ATP13A1: variants seen among roughly 807,000 people sequenced by gnomAD.
ATP13A1 encodes the protein ATPase 13A1.
In ATP13A1, 55 loss-of-function variants were observed where a neutral mutation model predicts 134.8. That is an observed-to-expected ratio of 0.41 (90% CI 0.33 to 0.51). The LOEUF (loss-of-function observed/expected upper bound fraction) is 0.51, where lower values mean the gene tolerates loss of function less well. Ranked by LOEUF, ATP13A1 falls within the 20% of genes least tolerant of loss-of-function variation. The pLI is 0.29. For synonymous variants in ATP13A1, 775 were observed against 725.1 expected (o/e 1.07, Z -1.10); for missense variants, 1,389 against 1,652.8 (o/e 0.84, Z 2.77).
chr19:19,663,051 A>G (rs1174059598), intron 1 of ATP13A1: 4 of 739,358 alleles, frequency 5.4e-6, no homozygotes, highest in Admixed American at 2.0e-5. Flanking sequence ...CATAACAGGG[A>G]GGACTTCAGA....
rs1268531000 is a variant in ATP13A1, at chr19:19,651,733, A to G, written c.2291T>C (p.Ile764Thr). The G allele has an allele frequency of 3.1e-6, 5 of 1,613,102 alleles. No homozygotes were observed. The highest frequency in any genetic ancestry group is 1.3e-5 in the African/African-American group (1 of 74,812). ...CAGGATCAGCGTGTGGGCCTTTTCA[A>G]TGAAGTGCAGCTCCTGGGCCACGTG... is the stretch of plus-strand genomic sequence containing the variant. ...ACHVAQELHFIEKAHTLILQP... is the reference protein window; with the variant it reads ...ACHVAQELHFTEKAHTLILQP... The change falls in exon 17 of 26, where the codon ATT (isoleucine) becomes ACT (threonine). Residue 764 changes from isoleucine (I) to threonine (T), a missense_variant. Coordinates refer to ENST00000357324, the MANE Select transcript of ATP13A1 (RefSeq NM_020410.3).
chr19:19,654,231 C>T (rs1442977589), intron 13 of ATP13A1, 87 bp from the exon 14 acceptor site: 1 of 1,343,748 alleles, frequency 7.4e-7, no homozygotes, highest in African/African-American at 1.5e-5. Flanking sequence ...TCCCCCACCT[C>T]CCTCCTGCCT....
Position 19,647,696 on chromosome 19 carries a change from C to T in ATP13A1, c.2696G>A (p.Ser899Asn). Residue 899 changes from serine (S) to asparagine (N), a missense_variant, in exon 20 of 26, where the codon AGC (serine) becomes AAC (asparagine). By Grantham distance (46) the Ser-to-Asn change is conservative. Around this residue, in one of 4 missense-constraint regions of ATP13A1, gnomAD observed 121 missense variants for 104.9 expected, o/e 1.15. Transcript: ENST00000357324. This position sits in a 1 kb window ranked among gnomAD's most constrained non-coding sequence, Gnocchi z 4.8. ...GATGCCACTGTTGCTCAGGGTTGGG[C>T]TGTCCCGGGGCCGCCGTCGCCGCTC... The part of the protein sequence containing the change: ...VVERRRRPRD[S>N]PTLSNSGIRA... 2 of 1,611,580 alleles carry T rather than the reference C, an allele frequency of 1.2e-6. No individual in the cohort carries two copies. Among genetic ancestry groups the T allele is most frequent in the South Asian group, 1.1e-5 (1 of 90,986 alleles).
At position 19,656,874 on chromosome 19, in the gene ATP13A1, T is replaced by C. The variant is rs1359393210; in HGVS notation, c.949A>G (p.Ile317Val). The C allele has an allele frequency of 6.2e-7, 1 of 1,612,664 alleles. No individual in the cohort carries two copies. The highest frequency in any genetic ancestry group is 1.1e-5 in the South Asian group (1 of 90,916). ...RKWRPIASDE[I>V]VPGDIVSIGR... ...ATGGAGACGATGTCCCCTGGTACGA[T>C]CTCATCACTGGCAATGGGCCTCCAC... The change falls in exon 6 of 26, where the codon ATC (isoleucine) becomes GTC (valine). Residue 317 changes from isoleucine (I) to valine (V), a missense_variant. Around this residue, in one of 4 missense-constraint regions of ATP13A1, gnomAD observed 747 missense variants for 956.1 expected, o/e 0.78. Coordinates refer to ENST00000357324, the MANE Select transcript of ATP13A1 (RefSeq NM_020410.3). This position sits in a 1 kb window ranked among gnomAD's most constrained non-coding sequence, Gnocchi z 4.6.
rs1568428897 is a variant in ATP13A1 at position 19,656,206 on chromosome 19, TG to T, written c.1084-24del. On this transcript the variant is annotated intron_variant, in intron 7 of 25. Coordinates refer to ENST00000357324, the MANE Select transcript of ATP13A1 (RefSeq NM_020410.3). The surrounding 1 kb of genome is among the most constrained non-coding windows in gnomAD (Gnocchi z 4.6). Reference sequence around the variant, plus strand: ...CTCCTGGGGAGGAAGATCGTGAATCTGGATGGCCAGGCCTACCTTGCTTCCT... The same window carrying T: ...CTCCTGGGGAGGAAGATCGTGAATCTGATGGCCAGGCCTACCTTGCTTCCT... 6.3e-7 allele frequency: 1 copy of T among 1,583,740 alleles called. No homozygotes were observed. The highest frequency in any genetic ancestry group is 2.2e-5 in the East Asian group (1 of 44,524).
rs568438399 is a variant in ATP13A1 at position 19,646,099 on chromosome 19, C to A, written c.3248+106G>T. On this transcript the variant is annotated intron_variant, in intron 23 of 25. Coordinates refer to ENST00000357324, the MANE Select transcript of ATP13A1 (RefSeq NM_020410.3). ...GGCTCTGCCTGGCCTAGTGCCCCTCCCTGGACACCCTGGACAACCCCCAGC... is the reference window on the plus strand; with the variant it reads ...GGCTCTGCCTGGCCTAGTGCCCCTCACTGGACACCCTGGACAACCCCCAGC... 666 of 1,590,826 alleles carry A rather than the reference C, an allele frequency of 4.2e-4. 1 individual carries two copies. Among genetic ancestry groups the A allele is most frequent in the Non-Finnish European group, 5.3e-4 (615 of 1,163,696 alleles).
At position 19,651,772 on chromosome 19, in the gene ATP13A1, G is replaced by A. The variant is rs1195036288; in HGVS notation, c.2252C>T (p.Pro751Leu). ...HRVVMITGDN[P>L]LTACHVAQEL... ...CTGGGCCACGTGGCATGCAGTGAGC[G>A]GGTTGTCTCCCGTGATCATGACCAC... The change falls in exon 17 of 26, where the codon CCG becomes CTG. Residue 751 changes from proline (P) to leucine (L), a missense_variant. By Grantham distance (98) the Pro-to-Leu change is moderately conservative (BLOSUM62 -3). Transcript: ENST00000357324. 13 of 1,613,098 alleles carry A rather than the reference G, an allele frequency of 8.1e-6. No individual in the cohort carries two copies. The highest frequency in any genetic ancestry group is 1.1e-5 in the Non-Finnish European group (13 of 1,179,512).
At chr19:19,646,179 A>G (rs750781989) in intron 23 of ATP13A1, 26 bp downstream of exon 23, 14 of 1,612,748 alleles carry the variant, frequency 8.7e-6, no homozygotes, top group Non-Finnish European at 7.6e-6. Context: ...CTGCAGGGAC[A>G]TCACCTCCTC....
At chr19:19,660,307 C>A (rs1485935425) in intron 1 of ATP13A1, among the ~76,000 whole-genome samples, 1 of 151,834 alleles carries the variant, frequency 6.6e-6, no homozygotes, top group African/African-American at 2.4e-5. Context: ...TGTGGCGAAA[C>A]CCTGTCTCAA....
In ATP13A1 at chr19:19,655,009, GC is replaced by G; in HGVS notation, c.1655+109del. On this transcript the variant is annotated intron_variant, in intron 12 of 25. Coordinates refer to ENST00000357324, the MANE Select transcript of ATP13A1 (RefSeq NM_020410.3). The surrounding 1 kb of genome is among the most constrained non-coding windows in gnomAD (Gnocchi z 5.7). The stretch of plus-strand genomic sequence containing the variant: ...CCCCTGGAAATGAACCCGAGGCAGG[GC>G]CTCTGACGGGCCCTCACTGCAAGGG... The G allele has an allele frequency of 6.8e-7, 1 of 1,481,004 alleles. No homozygotes were observed. Among genetic ancestry groups the G allele is most frequent in the Admixed American group, 2.2e-5 (1 of 46,212 alleles). The allele number at this position is 1,481,004 out of a possible 1,614,324, so 91.7% of individuals were successfully genotyped here.
chr19:19,656,321 C>G lies in ATP13A1; in HGVS notation c.1084-138G>C. 1 of 1,222,746 alleles carries G rather than the reference C, an allele frequency of 8.2e-7. No individual in the cohort carries two copies. Among genetic ancestry groups the G allele is most frequent in the Non-Finnish European group, 1.1e-6 (1 of 886,002 alleles). The allele number at this position is 1,222,746 out of a possible 1,614,324, so 75.7% of individuals were successfully genotyped here. A position where few individuals can be genotyped will look rare whatever the true frequency, so the allele number is the denominator to read the frequency against. ...CGACCAATACATCCCACCCAGCTCC[C>G]AGATCCTCACCCTCACCCCGTCCTG... On this transcript the variant is annotated intron_variant, in intron 7 of 25. Coordinates refer to ENST00000357324, the MANE Select transcript of ATP13A1 (RefSeq NM_020410.3). The surrounding 1 kb of genome is among the most constrained non-coding windows in gnomAD (Gnocchi z 4.6).
At chr19:19,651,624 G>T in intron 17 of ATP13A1, 65 bp downstream of exon 17, 1 of 1,312,874 alleles carries the variant, frequency 7.6e-7, no homozygotes, top group Non-Finnish European at 1.1e-6. Flanking sequence ...GTGGGCTGTT[G>T]CGATGGGAGC....
rs112268372 is a variant in ATP13A1, at chr19:19,645,357, G to T, written c.*65C>A. On this transcript the variant is annotated 3_prime_UTR_variant, in exon 26 of 26. Transcript: ENST00000357324. The surrounding 1 kb of genome is among the most constrained non-coding windows in gnomAD (Gnocchi z 4.1). Reference sequence around the variant, plus strand: ...GGGGTTGGGGGCAGGGTTCCCTCCCGGGGCCCTGTTGGGGTTCCCGCCCAG... The same window carrying T: ...GGGGTTGGGGGCAGGGTTCCCTCCCTGGGCCCTGTTGGGGTTCCCGCCCAG... The T allele has an allele frequency of 3.3e-6, 5 of 1,513,874 alleles. No homozygotes were observed. In the African/African-American group the frequency reaches 5.5e-5, roughly 17 times the overall value. The allele number at this position is 1,513,874 out of a possible 1,614,324, so 93.8% of individuals were successfully genotyped here.
chr19:19,657,224 A>G (rs2062065082), intron 4 of ATP13A1, 75 bp from the exon 5 acceptor site: 2 of 1,486,800 alleles, frequency 1.3e-6, no homozygotes, highest in East Asian at 2.5e-5. Flanking sequence ...ACCGGATCTG[A>G]TATGTGAGGG....
chr19:19,652,826 C>T (rs2288865), intron 15 of ATP13A1, 106 bp from the exon 16 acceptor site: 313,111 of 1,423,922 alleles, frequency 0.22, 35,068 homozygotes, highest in Middle Eastern at 0.33. Flanking sequence ...CAATGGAAGG[C>T]CCTGTTCCCG....
rs757589994 is a variant in ATP13A1, at chr19:19,655,696, C to T, written c.1270-42G>A. The T allele has an allele frequency of 3.1e-6, 5 of 1,594,252 alleles. No individual in the cohort carries two copies. Among genetic ancestry groups the T allele is most frequent in the Non-Finnish European group, 4.3e-6 (5 of 1,170,750 alleles). On this transcript the variant is annotated intron_variant, in intron 9 of 25. Transcript: ENST00000357324. This position sits in a 1 kb window ranked among gnomAD's most constrained non-coding sequence, Gnocchi z 5.7. ...ACAGCCTTTCTGCTGTCTGGACTCC[C>T]TCCAGCAGCTCAGGCCTGGAAGCGT...
In ATP13A1 at chr19:19,661,107, A is replaced by C. The variant is rs536990000; in HGVS notation, c.397-1120T>G. Among the ~76,000 whole-genome samples the C allele has an allele frequency of 1.1e-4, 17 of 152,180 alleles. 1 individual carries two copies. The South Asian group carries it at 2.9e-3, about 26-fold the overall frequency. ...AACAAACAAACAAACAAACAAAAAAACCCCAAAAAACAAAACAAAAACAAA... is the reference window on the plus strand; with the variant it reads ...AACAAACAAACAAACAAACAAAAAACCCCCAAAAAACAAAACAAAAACAAA... On this transcript the variant is annotated intron_variant, in intron 1 of 25. Transcript: ENST00000357324.
chr19:19,653,635 T>C lies in ATP13A1; in HGVS notation c.2100+149A>G, dbSNP rs1472743182. ...CAGCAGTGGACAGACTGAGTGCCAT[T>C]TGGAGTCTCCAAAGGTAGAAGCTGG... is the stretch of plus-strand genomic sequence containing the variant. On this transcript the variant is annotated intron_variant, in intron 15 of 25. Transcript: ENST00000357324. This position sits in a 1 kb window ranked among gnomAD's most constrained non-coding sequence, Gnocchi z 4.2. The C allele has an allele frequency of 4.0e-6, 3 of 744,182 alleles. No homozygotes were observed. The highest frequency in any genetic ancestry group is 3.5e-5 in the African/African-American group (2 of 56,608). 46.1% of individuals were successfully genotyped at this position (744,182 alleles called of 1,614,324 possible).
In ATP13A1 at chr19:19,653,399, GAA is replaced by G; in HGVS notation, c.2100+383_2100+384del. The stretch of plus-strand genomic sequence containing the variant: ...CGCAGCTGTAGGGTGCAAGCAGAAA[GAA>G]CGAGAGCCCAGGAAGAAGCCAAGCG... On this transcript the variant is annotated intron_variant, in intron 15 of 25. Coordinates refer to ENST00000357324, the MANE Select transcript of ATP13A1 (RefSeq NM_020410.3). The surrounding 1 kb of genome is among the most constrained non-coding windows in gnomAD (Gnocchi z 4.2). The G allele has an allele frequency of 3.6e-6, 1 of 280,166 alleles. No individual in the cohort carries two copies. The highest frequency in any genetic ancestry group is 4.6e-5 in the South Asian group (1 of 21,808). 17.4% of individuals were successfully genotyped at this position (280,166 alleles called of 1,614,324 possible).
Sources: gnomAD v4.1 joint callset for allele counts (sites outside exome capture counted in the v4.1 genomes callset) on GRCh38, gnomAD v4.1.1 for gene constraint, gnomAD v4.1.1 regional missense constraint, Gnocchi (gnomAD v3.1) non-coding constraint, MANE v1.5 for transcripts, NCBI Gene and HGNC (gene_info 2026-07-23, HGNC 2026-07-21) for gene names.